The following MSI2 variants were observed in gnomAD, a reference collection of about 807,000 sequenced individuals.
The protein encoded by MSI2 is musashi RNA binding protein 2.
A neutral mutation model predicts 45.6 loss-of-function variants in MSI2; 17 were observed. The observed-to-expected ratio is 0.37, with a 90% confidence interval of 0.26 to 0.56. MSI2 has a LOEUF of 0.56. Among genes scored for constraint, MSI2 ranks in the 20% least tolerant of loss-of-function variants. The probability of loss-of-function intolerance (pLI) is 0.77; values close to 1 mark genes in which losing one functional copy is unlikely to be tolerated. For synonymous variants in MSI2, 156 were observed against 158.2 expected (o/e 0.99, Z 0.11); for missense variants, 293 against 444.2 (o/e 0.66, Z 3.06).
intron 10 of MSI2, among the ~76,000 whole-genome samples, chr17:57,643,489 T>C (rs1221794360): frequency 6.6e-6 from 1 of 152,266 alleles, no homozygotes; most frequent in Non-Finnish European, 1.5e-5. Flanking sequence ...GGTGCTCCGC[T>C]GTGTTTCCTG....
chr17:57,684,108 G>T lies in MSI2; in HGVS notation c.*4591G>T, dbSNP rs369937379. The T allele has an allele frequency of 2.9e-4, 64 of 222,352 alleles. No homozygotes were observed. Among genetic ancestry groups the T allele is most frequent in the African/African-American group, 1.3e-3 (58 of 44,758 alleles). The allele number at this position is 222,352 out of a possible 1,614,324, so 13.8% of individuals were successfully genotyped here. A position where few individuals can be genotyped will look rare whatever the true frequency, so the allele number is the denominator to read the frequency against. ...AGTTCCGGGAGGCAGGGGCATGATG[G>T]GGGAGGGGGCCGGAGGCTGAGAGAC... is the stretch of plus-strand genomic sequence containing the variant. On this transcript the variant is annotated 3_prime_UTR_variant, in exon 14 of 14. Transcript: ENST00000284073.
chr17:57,345,229 AT>A (rs1915507253), intron 5 of MSI2, among the ~76,000 whole-genome samples: 1 of 152,082 alleles, frequency 6.6e-6, no homozygotes, highest in African/African-American at 2.4e-5. Flanking sequence ...CACTGTGGTT[AT>A]GGTTTGCTGT....
intron 7 of MSI2, among the ~76,000 whole-genome samples, chr17:57,554,879 C>G (rs2087395234): frequency 6.6e-6 from 1 of 152,266 alleles, no homozygotes; most frequent in South Asian, 2.1e-4. Flanking sequence ...TCCTGCTGCT[C>G]GAATTTTCAT....
downstream of MSI2, among the ~76,000 whole-genome samples, chr17:57,686,404 TAGA>T (rs1291356882): frequency 6.6e-6 from 1 of 152,032 alleles, no homozygotes. Flanking sequence ...CAAAGTAGGA[TAGA>T]AGGAGTGAGA....
At chr17:57,375,605 GATGATGTAACATT>G (rs2083482939) in intron 5 of MSI2, among the ~76,000 whole-genome samples, 1 of 152,162 alleles carries the variant, frequency 6.6e-6, no homozygotes, top group South Asian at 2.1e-4. Context: ...AGGAGGAGAT[GATGATGTAACATT>G]ATCACATTCT....
chr17:57,317,119 C>G (rs1912913400), intron 5 of MSI2, among the ~76,000 whole-genome samples: 1 of 152,094 alleles, frequency 6.6e-6, no homozygotes, highest in African/African-American at 2.4e-5. Context: ...ACTAGGGGGC[C>G]TTTCACCTCT....
At chr17:57,357,306 G>T (rs1394783481) in intron 5 of MSI2, among the ~76,000 whole-genome samples, 1 of 152,152 alleles carries the variant, frequency 6.6e-6, no homozygotes, top group East Asian at 1.9e-4. Context: ...ATGGTCTTAA[G>T]CTCCAGGACC....
At chr17:57,344,392 A>C (rs1915417794) in intron 5 of MSI2, among the ~76,000 whole-genome samples, 1 of 152,214 alleles carries the variant, frequency 6.6e-6, no homozygotes, top group Admixed American at 6.5e-5. Context: ...GATTCCCTAC[A>C]ACATGATCCT....
At chr17:57,671,707 T>C (rs1043521298) in intron 11 of MSI2, 2 of 151,386 alleles carry the variant, frequency 1.3e-5, no homozygotes, top group Non-Finnish European at 2.9e-5. Context: ...GGAGTTACGC[T>C]GAGTTTGCAA....
intron 7 of MSI2, chr17:57,531,973 A>G (rs1363629245): frequency 6.6e-6 from 1 of 152,298 alleles, no homozygotes; most frequent in East Asian, 1.9e-4. Flanking sequence ...GCGTGGGAAG[A>G]GTTTTTTGCC....
rs993376731 is a variant in MSI2 at position 57,314,792 on chromosome 17, G to A, written c.312+52600G>A. On this transcript the variant is annotated intron_variant, in intron 5 of 13. Transcript: ENST00000284073. ...TCGCTATGTTGGCCAGGATGGTCTC[G>A]ATCTCCTGACTTTGTGATCTGCCCG... Among the ~76,000 whole-genome samples, 4 of 152,018 alleles carry A rather than the reference G, an allele frequency of 2.6e-5. No homozygotes were observed. The East Asian group carries it at 5.8e-4, about 22-fold the overall frequency.
chr17:57,287,880 G>A (rs72830829), intron 5 of MSI2, among the ~76,000 whole-genome samples: 3,714 of 152,274 alleles, frequency 0.024, 56 homozygotes, highest in Non-Finnish European at 0.039. Flanking sequence ...CCCTATAGAC[G>A]AAACAGATGT....
intron 10 of MSI2, among the ~76,000 whole-genome samples, chr17:57,635,439 T>C (rs186952005): frequency 3.9e-5 from 6 of 152,368 alleles, no homozygotes; most frequent in Admixed American, 3.9e-4. Flanking sequence ...CATCCCTCTC[T>C]CCCTGCGTGG....
intron 10 of MSI2, among the ~76,000 whole-genome samples, chr17:57,651,851 T>C (rs1031930149): frequency 6.6e-6 from 1 of 152,224 alleles, no homozygotes; most frequent in Non-Finnish European, 1.5e-5. Flanking sequence ...GAATTATTGT[T>C]GTGGGCCTTC....
chr17:57,674,470 G>A (rs555219866), intron 11 of MSI2, among the ~76,000 whole-genome samples: 46 of 151,454 alleles, frequency 3.0e-4, no homozygotes, highest in African/African-American at 7.0e-4. Flanking sequence ...TTCCTGTCAC[G>A]TTTTAATATC....
chr17:57,338,774 A>G (rs886871686), intron 5 of MSI2, among the ~76,000 whole-genome samples: 2 of 152,182 alleles, frequency 1.3e-5, no homozygotes, highest in African/African-American at 2.4e-5. Flanking sequence ...AAAGCAGATA[A>G]TGTGGCATGA....
intron 5 of MSI2, among the ~76,000 whole-genome samples, chr17:57,374,852 A>G (rs368876455): frequency 1.3e-5 from 2 of 152,314 alleles, no homozygotes; most frequent in African/African-American, 4.8e-5. Flanking sequence ...TTCCATGTCC[A>G]GTTGACATTT....
chr17:57,577,422 C>A (rs1387565348), intron 7 of MSI2, among the ~76,000 whole-genome samples: 1 of 152,202 alleles, frequency 6.6e-6, no homozygotes, highest in Non-Finnish European at 1.5e-5. Context: ...CAAACCGTCC[C>A]ATTTCCAGAC....
chr17:57,547,744 A>C (rs1408930181), intron 7 of MSI2, among the ~76,000 whole-genome samples: 1 of 58,964 alleles, frequency 1.7e-5, no homozygotes, highest in Non-Finnish European at 3.0e-5. Context: ...CAAAAAGTAC[A>C]CACACACACA....
Sources: allele counts gnomAD v4.1 joint callset (sites outside exome capture counted in the v4.1 genomes callset), GRCh38; gene constraint gnomAD v4.1.1; transcripts MANE v1.5; gene names NCBI Gene and HGNC (gene_info 2026-07-23, HGNC 2026-07-21).